ITPR1: variants seen among roughly 807,000 people sequenced by gnomAD.
The protein encoded by ITPR1 is inositol 1,4,5-trisphosphate-gated calcium channel ITPR1.
A neutral mutation model predicts 318.4 loss-of-function variants in ITPR1; 96 were observed. That is an observed-to-expected ratio of 0.30 (90% confidence interval 0.26 to 0.36). The LOEUF (loss-of-function observed/expected upper bound fraction) is 0.36. Among genes scored for constraint, ITPR1 ranks in the 10% least tolerant of loss-of-function variants. ITPR1 has a pLI of 1.00. For synonymous variants in ITPR1, 1,312 were observed against 1,289.9 expected (o/e 1.02, Z -0.37); for missense variants, 2,440 against 3,460.2 (o/e 0.71, Z 7.40).
chr3:4,760,167 C>T (rs113604533), intron 44 of ITPR1, among the ~76,000 whole-genome samples: 2 of 152,382 alleles, frequency 1.3e-5, no homozygotes, highest in South Asian at 2.1e-4. Context: ...AACCCCAGCT[C>T]TCTCATCTAT....
intron 30 of ITPR1, among the ~76,000 whole-genome samples, chr3:4,686,234 C>G (rs1239957204): frequency 1.3e-5 from 2 of 152,202 alleles, no homozygotes; most frequent in Non-Finnish European, 2.9e-5. Flanking sequence ...CTTCCCTATG[C>G]CTGTCGCCTT....
At chr3:4,656,473 T>C (rs1425044345) in intron 12 of ITPR1, among the ~76,000 whole-genome samples, 4 of 152,166 alleles carry the variant, frequency 2.6e-5, no homozygotes, top group African/African-American at 9.7e-5. Context: ...TCCTTTAGCG[T>C]AGATAGAATA....
rs995162960 is a variant in ITPR1 at position 4,832,221 on chromosome 3, C to A, written c.8029-4553C>A. Among the ~76,000 whole-genome samples the A allele has an allele frequency of 1.4e-4, 21 of 152,256 alleles. 5 individuals are homozygous for A. Among genetic ancestry groups the A allele is most frequent in the African/African-American group, 9.6e-5 (4 of 41,548 alleles). On this transcript the variant is annotated intron_variant, in intron 60 of 61. Transcript: ENST00000649015. The stretch of plus-strand genomic sequence containing the variant: ...TCATTATTAGATATTAAGGGAGGCA[C>A]TGGGGGAGACTCTGTGTGGTGGTGA...
Position 4,658,148 on chromosome 3 carries a change from C to G in ITPR1, c.1021C>G (p.Arg341Gly). Residue 341 changes from arginine to glycine, a missense_variant, in exon 13 of 62, where the codon CGA becomes GGA. This residue lies in a region of ITPR1 where 101 missense variants were observed against 119.6 expected (regional missense o/e 0.84). Transcript: ENST00000649015. ...PSVDPDQDAS[R>G]SRLRNAQEKM... The stretch of plus-strand genomic sequence containing the variant: ...GGTGGACCCTGATCAGGACGCCTCT[C>G]GAAGTAGGTTGCGGAATGCCCAAGA... 1 of 1,612,898 alleles carries G rather than the reference C, an allele frequency of 6.2e-7. No individual in the cohort carries two copies. Among genetic ancestry groups the G allele is most frequent in the Non-Finnish European group, 8.5e-7 (1 of 1,179,202 alleles).
intron 33 of ITPR1, among the ~76,000 whole-genome samples, chr3:4,695,257 A>G (rs1014078272): frequency 6.6e-6 from 1 of 152,220 alleles, no homozygotes; most frequent in African/African-American, 2.4e-5. Flanking sequence ...GTTCTCATAT[A>G]TCTGGCAGGT....
chr3:4,682,877 T>TCTAGG (rs71301155), intron 26 of ITPR1, among the ~76,000 whole-genome samples: 63,894 of 151,624 alleles, frequency 0.42, 14,643 homozygotes, highest in Non-Finnish European at 0.53. Context: ...TGCCATTTGA[T>TCTAGG]CTAGGATATG....
intron 4 of ITPR1, among the ~76,000 whole-genome samples, chr3:4,580,774 C>T (rs2089252247): frequency 6.6e-6 from 1 of 150,886 alleles, no homozygotes; most frequent in Non-Finnish European, 1.5e-5. Context: ...CCTAGTCCTT[C>T]TCCCAAACCT....
intron 58 of ITPR1, 138 bp downstream of exon 58, chr3:4,814,700 C>T: frequency 1.3e-6 from 1 of 755,494 alleles, no homozygotes; most frequent in Non-Finnish European, 2.1e-6. Flanking sequence ...GCGGAACTAG[C>T]TCATCAGGCT....
Position 4,810,321 on chromosome 3 carries a change from C to G in ITPR1, c.7273-944C>G, listed in dbSNP as rs983588589. Reference sequence around the variant, plus strand: ...AGAGTAACTTCAGAGAGCTCTCTCCCCACACTCCCCACCATTCTCCCAGTC... The same window carrying G: ...AGAGTAACTTCAGAGAGCTCTCTCCGCACACTCCCCACCATTCTCCCAGTC... On this transcript the variant is annotated intron_variant, in intron 55 of 61. Transcript: ENST00000649015. Among the ~76,000 whole-genome samples, 3 of 152,196 alleles carry G rather than the reference C, an allele frequency of 2.0e-5. No homozygotes were observed. In the East Asian group the frequency reaches 5.8e-4, roughly 29 times the overall value.
rs552639859 is a variant in ITPR1, at chr3:4,717,506, C to G, written c.5136+107C>G. Reference sequence around the variant, plus strand: ...CCTCTAGTCTCACAGCGTCGAGTATCTGGCTTTGTGTGGTGTGCCCTCTGG... The same window carrying G: ...CCTCTAGTCTCACAGCGTCGAGTATGTGGCTTTGTGTGGTGTGCCCTCTGG... On this transcript the variant is annotated intron_variant, in intron 40 of 61. Transcript: ENST00000649015. 28 of 932,980 alleles carry G rather than the reference C, an allele frequency of 3.0e-5. No homozygotes were observed. The East Asian group carries it at 6.2e-4, about 21-fold the overall frequency. 57.8% of individuals were successfully genotyped at this position (932,980 alleles called of 1,614,324 possible). A position where few individuals can be genotyped will look rare whatever the true frequency, so the allele number is the denominator to read the frequency against.
intron 35 of ITPR1, 37 bp downstream of exon 35, chr3:4,699,978 T>A (rs973759693): frequency 5.0e-6 from 8 of 1,596,780 alleles, no homozygotes; most frequent in Non-Finnish European, 6.9e-6. Flanking sequence ...ATGTTCACGA[T>A]ACACCTTCTG....
At chr3:4,759,826 T>C (rs143961394) in intron 44 of ITPR1, among the ~76,000 whole-genome samples, 2,490 of 152,328 alleles carry the variant, frequency 0.016, 30 homozygotes, top group Non-Finnish European at 0.029. Flanking sequence ...TGCTCTTTTG[T>C]TGTGGTTGAA....
intron 55 of ITPR1, 103 bp downstream of exon 55, chr3:4,806,370 G>A (rs953566818): frequency 6.2e-6 from 7 of 1,135,428 alleles, no homozygotes; most frequent in Admixed American, 5.7e-5. Flanking sequence ...TGATTGGTGT[G>A]CCTGGTCCAC....
chr3:4,775,186 C>A (rs970193823), intron 46 of ITPR1, 56 bp from the exon 47 acceptor site: 36 of 1,234,602 alleles, frequency 2.9e-5, no homozygotes, highest in Admixed American at 1.0e-4. Context: ...GGATGAATAA[C>A]GTTTCCCTCT....
At chr3:4,846,041 G>A in intron 61 of ITPR1, 98 bp from the exon 62 acceptor site, 1 of 684,372 alleles carries the variant, frequency 1.5e-6, no homozygotes, top group Non-Finnish European at 2.4e-6. Context: ...GTGGGTTTCA[G>A]TATAAACCAT....
intron 44 of ITPR1, among the ~76,000 whole-genome samples, chr3:4,741,122 G>A (rs1030463920): frequency 4.6e-5 from 7 of 152,064 alleles, no homozygotes; most frequent in African/African-American, 1.2e-4. Context: ...AGTTCCCTTC[G>A]CTTCCTCTTC....
chr3:4,845,934 G>T (rs985090543), intron 61 of ITPR1, among the ~76,000 whole-genome samples: 1 of 152,166 alleles, frequency 6.6e-6, no homozygotes, highest in Admixed American at 6.5e-5. Flanking sequence ...ATGTTACATT[G>T]CATGACTAGG....
chr3:4,524,301 G>GTTTTTTTT (rs56380229), intron 4 of ITPR1, among the ~76,000 whole-genome samples: 2 of 73,494 alleles, frequency 2.7e-5, no homozygotes, highest in Admixed American at 2.0e-4. Flanking sequence ...ATACTTTGAC[G>GTTTTTTTT]TTTTTTTTTT....
intron 4 of ITPR1, among the ~76,000 whole-genome samples, chr3:4,625,644 C>T (rs1020912016): frequency 1.3e-5 from 2 of 151,724 alleles, no homozygotes; most frequent in African/African-American, 4.8e-5. Context: ...GCAAGCTCTG[C>T]CTCCCGGGTT....
Sources: allele counts gnomAD v4.1 joint callset (sites outside exome capture counted in the v4.1 genomes callset), GRCh38; gene constraint gnomAD v4.1.1; regional missense constraint gnomAD v4.1.1; transcripts MANE v1.5; gene names NCBI Gene and HGNC (gene_info 2026-07-23, HGNC 2026-07-21).